The following RORA variants were observed in gnomAD, a reference collection of about 807,000 sequenced individuals.
RORA encodes the protein RAR related orphan receptor A.
Under a neutral mutation model 69.5 loss-of-function variants are expected in RORA, and 7 were observed. The ratio of observed to expected loss-of-function variants is 0.10; its 90% CI spans 0.06 to 0.19. The LOEUF (loss-of-function observed/expected upper bound fraction) is 0.19. RORA is among the 10% of genes least tolerant of loss of function. The pLI is 1.00. For synonymous variants in RORA, 261 were observed against 240.8 expected (o/e 1.08, Z -0.78); for missense variants, 457 against 663.0 (o/e 0.69, Z 3.41).
intron 2 of RORA, among the ~76,000 whole-genome samples, chr15:60,590,676 A>G (rs1172518777): frequency 6.6e-6 from 1 of 152,100 alleles, no homozygotes; most frequent in African/African-American, 2.4e-5. Flanking sequence ...AATGAAATGC[A>G]GGACTAGCAT....
chr15:61,217,643 G>A (rs896065239), intron 1 of RORA, among the ~76,000 whole-genome samples: 9 of 152,106 alleles, frequency 5.9e-5, no homozygotes, highest in African/African-American at 9.7e-5. Flanking sequence ...CAGGGAGCTC[G>A]CCTCTCTTGT....
At chr15:60,889,555 G>A (rs1319605392) in intron 1 of RORA, among the ~76,000 whole-genome samples, 3 of 152,224 alleles carry the variant, frequency 2.0e-5, no homozygotes, top group African/African-American at 4.8e-5. Flanking sequence ...AACAGTTGGG[G>A]AGAGCGACAG....
At chr15:60,998,808 C>T (rs55735416) in intron 1 of RORA, among the ~76,000 whole-genome samples, 35,761 of 152,160 alleles carry the variant, frequency 0.24, 4,298 homozygotes, top group East Asian at 0.36. Flanking sequence ...ACCTACCCCT[C>T]TGTAGAATCT....
At chr15:60,556,393 T>A (rs1248165647) in intron 2 of RORA, among the ~76,000 whole-genome samples, 1 of 152,180 alleles carries the variant, frequency 6.6e-6, no homozygotes, top group Non-Finnish European at 1.5e-5. Flanking sequence ...ACTTCTGAAT[T>A]TAAGCCATTT....
intron 2 of RORA, among the ~76,000 whole-genome samples, chr15:60,564,845 A>C (rs1474924696): frequency 6.6e-6 from 1 of 152,212 alleles, no homozygotes; most frequent in African/African-American, 2.4e-5. Context: ...TCAATACCCC[A>C]ATGGCACCCG....
intron 1 of RORA, among the ~76,000 whole-genome samples, chr15:61,130,025 T>C (rs961870572): frequency 6.6e-6 from 1 of 152,202 alleles, no homozygotes; most frequent in Non-Finnish European, 1.5e-5. Context: ...ACCCTGATAG[T>C]GTCTCCTTTC....
At chr15:60,746,867 T>C (rs1328623662) in intron 1 of RORA, among the ~76,000 whole-genome samples, 1 of 152,208 alleles carries the variant, frequency 6.6e-6, no homozygotes, top group Non-Finnish European at 1.5e-5. Context: ...CCTGCCTTAG[T>C]TAAACCCGAG....
At chr15:61,054,899 A>C (rs1404009613) in intron 1 of RORA, among the ~76,000 whole-genome samples, 4 of 149,784 alleles carry the variant, frequency 2.7e-5, no homozygotes, top group African/African-American at 9.9e-5. Flanking sequence ...TGCAGGGGTG[A>C]GATCACGGCT....
At chr15:60,552,820 G>A (rs2067260832) in intron 2 of RORA, among the ~76,000 whole-genome samples, 1 of 152,214 alleles carries the variant, frequency 6.6e-6, no homozygotes, top group Non-Finnish European at 1.5e-5. Context: ...AAGGCTGGAG[G>A]TGAGAAAGTT....
At chr15:61,072,756 A>C (rs973303884) in intron 1 of RORA, among the ~76,000 whole-genome samples, 3 of 152,222 alleles carry the variant, frequency 2.0e-5, no homozygotes, top group Admixed American at 1.3e-4. Context: ...GTCAAGACAT[A>C]TATCTGAGGC....
intron 1 of RORA, among the ~76,000 whole-genome samples, chr15:61,139,208 TA>T (rs2079274437): frequency 6.6e-6 from 1 of 151,962 alleles, no homozygotes; most frequent in Admixed American, 6.5e-5. Flanking sequence ...TTAATGCTAA[TA>T]TGCACTGAGA....
At chr15:61,039,006 A>G (rs1896600231) in intron 1 of RORA, 1 of 152,178 alleles carries the variant, frequency 6.6e-6, no homozygotes, top group Non-Finnish European at 1.5e-5. Context: ...CTAATTCTAA[A>G]CAGAGAGCCC....
At chr15:61,040,419 G>A (rs142185958) in intron 1 of RORA, among the ~76,000 whole-genome samples, 2 of 151,818 alleles carry the variant, frequency 1.3e-5, no homozygotes, top group African/African-American at 4.8e-5. Context: ...CTCAGCTCAC[G>A]ATACCTATTT....
At chr15:60,909,056 C>T (rs1891626227) in intron 1 of RORA, among the ~76,000 whole-genome samples, 1 of 152,148 alleles carries the variant, frequency 6.6e-6, no homozygotes. Flanking sequence ...CATCTCCAGG[C>T]AAGTTGAAGC....
chr15:61,140,862 G>A (rs1238173984), intron 1 of RORA, among the ~76,000 whole-genome samples: 1 of 152,050 alleles, frequency 6.6e-6, no homozygotes, highest in African/African-American at 2.4e-5. Context: ...CGTGTGAGCT[G>A]CCAGCACAAA....
intron 1 of RORA, among the ~76,000 whole-genome samples, chr15:61,200,477 C>T (rs1488180272): frequency 6.6e-6 from 1 of 152,112 alleles, no homozygotes; most frequent in Admixed American, 6.5e-5. Context: ...CAGGAGATAC[C>T]AAATGAATCA....
intron 1 of RORA, among the ~76,000 whole-genome samples, chr15:60,737,402 G>A (rs1041878041): frequency 2.0e-5 from 3 of 152,194 alleles, no homozygotes; most frequent in Admixed American, 6.5e-5. Flanking sequence ...AAAGACCAAT[G>A]GAAGGTTAAC....
intron 1 of RORA, among the ~76,000 whole-genome samples, chr15:61,020,692 T>A (rs537368258): frequency 1.3e-4 from 20 of 152,310 alleles, no homozygotes; most frequent in African/African-American, 4.8e-4. Context: ...CACTATTAGA[T>A]TTTGTAGTCT....
At chr15:60,863,071 A>G (rs2140426995) in intron 1 of RORA, among the ~76,000 whole-genome samples, 1 of 152,298 alleles carries the variant, frequency 6.6e-6, no homozygotes, top group South Asian at 2.1e-4. Flanking sequence ...CATCTTCATG[A>G]TTAGCTTGTA....
Sources: allele counts gnomAD v4.1 joint callset (sites outside exome capture counted in the v4.1 genomes callset), GRCh38; gene constraint gnomAD v4.1.1; transcripts MANE v1.5; gene names NCBI Gene and HGNC (gene_info 2026-07-23, HGNC 2026-07-21).